KANK1: variants seen among roughly 807,000 people sequenced by gnomAD.
KANK1 encodes the protein KN motif and ankyrin repeat domain-containing protein 1.
Under a neutral mutation model 106.2 loss-of-function variants are expected in KANK1, and 109 were observed. That is an observed-to-expected ratio of 1.03 (90% confidence interval 0.88 to 1.20). The LOEUF (loss-of-function observed/expected upper bound fraction) is 1.20. Ranked by LOEUF, KANK1 falls within the 50% of genes most tolerant of loss-of-function variation. KANK1 has a pLI of 0.00. For missense variants in KANK1, 2,399 were observed against 1,710.7 expected, an observed-to-expected ratio of 1.40 and a Z score of -7.10; for synonymous variants, 873 against 652.2, an observed-to-expected ratio of 1.34 and a Z score of -5.16.
chr9:504,940 C>T (rs1176267800), intron 1 of KANK1, among the ~76,000 whole-genome samples, 186 bp downstream of exon 1: 3 of 150,596 alleles, frequency 2.0e-5, no homozygotes, highest in East Asian at 2.0e-4. Flanking sequence ...CGGGTGAACC[C>T]GGCGGCCTCG....
intron 1 of KANK1, among the ~76,000 whole-genome samples, chr9:618,255 C>T (rs990168936): frequency 2.6e-5 from 4 of 152,174 alleles, no homozygotes; most frequent in East Asian, 1.9e-4. Context: ...GTCACACAGG[C>T]TAAAGTGCAG....
chr9:731,115 A>G (rs748046026), intron 4 of KANK1, 43 bp from the exon 5 acceptor site: 3 of 1,041,564 alleles, frequency 2.9e-6, no homozygotes, highest in South Asian at 2.7e-5. Context: ...TTTAACATGT[A>G]TGGGTGTGAG....
At chr9:511,085 A>G (rs1043320517) in intron 1 of KANK1, among the ~76,000 whole-genome samples, 35 of 150,674 alleles carry the variant, frequency 2.3e-4, no homozygotes, top group Admixed American at 2.3e-3. Flanking sequence ...GAAATACTCA[A>G]TATCGATACA....
At chr9:504,779 C>CGCACCCCGTGCCGCGCT (rs1554723206) in intron 1 of KANK1, 25 bp downstream of exon 1, 2 of 140,820 alleles carry the variant, frequency 1.4e-5, no homozygotes, top group Non-Finnish European at 1.5e-5. Context: ...GGGGCCGTGC[C>CGCACCCCGTGCCGCGCT]GCGCCCCGTG....
chr9:680,717 C>G (rs1355512331), intron 2 of KANK1: 1 of 152,096 alleles, frequency 6.6e-6, no homozygotes, highest in Non-Finnish European at 1.5e-5. Flanking sequence ...ATACTAAGCA[C>G]GTGTTCATCG....
At chr9:508,412 C>T (rs1207892474) in intron 1 of KANK1, among the ~76,000 whole-genome samples, 1 of 152,212 alleles carries the variant, frequency 6.6e-6, no homozygotes, top group East Asian at 1.9e-4. Flanking sequence ...GCTGGCATTA[C>T]AGGCGTGAGC....
intron 7 of KANK1, 34 bp from the exon 8 acceptor site, chr9:738,251 T>C (rs1564123746): frequency 2.6e-6 from 4 of 1,561,838 alleles, no homozygotes; most frequent in Non-Finnish European, 3.5e-6. Flanking sequence ...AGTCTATAAA[T>C]AGAAGAACTA....
chr9:502,298 G>T (rs949632139), upstream of KANK1, among the ~76,000 whole-genome samples: 1 of 152,116 alleles, frequency 6.6e-6, no homozygotes, highest in African/African-American at 2.4e-5. Flanking sequence ...CAAAACCACT[G>T]AATTATACAT....
At chr9:688,494 T>C (rs149961893) in intron 2 of KANK1, among the ~76,000 whole-genome samples, 371 of 151,636 alleles carry the variant, frequency 2.4e-3, no homozygotes, top group African/African-American at 8.2e-3. Flanking sequence ...TAATCCCAAC[T>C]ACTTGGGAGG....
intron 2 of KANK1, among the ~76,000 whole-genome samples, chr9:471,238 C>A (rs972643129): frequency 3.9e-5 from 6 of 152,124 alleles, no homozygotes; most frequent in Non-Finnish European, 5.9e-5. Context: ...CCAAGGAAAG[C>A]GATAGTGCCA....
intron 1 of KANK1, among the ~76,000 whole-genome samples, chr9:633,909 C>A (rs1326033570): frequency 1.3e-5 from 2 of 152,176 alleles, no homozygotes; most frequent in Non-Finnish European, 2.9e-5. Context: ...CCTCAGCCTC[C>A]CACAGTGCTG....
chr9:691,236 A>T (rs1819830580), intron 2 of KANK1, among the ~76,000 whole-genome samples: 1 of 152,132 alleles, frequency 6.6e-6, no homozygotes, highest in Non-Finnish European at 1.5e-5. Context: ...TAGCAAAATG[A>T]TTGACTTTGA....
Position 713,042 on chromosome 9 carries a change from C to A in KANK1, c.2276C>A (p.Ser759Ter). 1.2e-6 allele frequency: 2 copies of A among 1,614,150 alleles called. No homozygotes were observed. The highest frequency in any genetic ancestry group is 1.7e-6 in the Non-Finnish European group (2 of 1,180,026). ...DRPSAVKTKE[S>*]GVGQININDN... ...CCATCAGCTGTGAAGACCAAAGAGT[C>A]AGGTGTGGGGCAGATAAATATTAAC... Residue 759 changes from serine (S) to a stop codon, truncating the protein, a stop_gained, in exon 3 of 12, where the codon TCA becomes TAA. Coordinates refer to ENST00000382297, the MANE Select transcript of KANK1 (RefSeq NM_015158.5). LOFTEE classifies it high-confidence loss of function.
chr9:547,240 C>CA (rs2060987308), intron 1 of KANK1: 1 of 152,180 alleles, frequency 6.6e-6, no homozygotes, highest in Non-Finnish European at 1.5e-5. Flanking sequence ...CCTCTAACGT[C>CA]AGGCTGGCAG....
chr9:672,015 G>C (rs1815271659), intron 1 of KANK1, among the ~76,000 whole-genome samples: 1 of 152,200 alleles, frequency 6.6e-6, no homozygotes, highest in South Asian at 2.1e-4. Flanking sequence ...TTTGCGCAAA[G>C]CCTCCTTGCA....
chr9:741,028 G>A (rs934585285), intron 9 of KANK1, 94 bp downstream of exon 9: 33 of 1,414,018 alleles, frequency 2.3e-5, no homozygotes, highest in East Asian at 1.4e-4. Flanking sequence ...TAGATGCCAC[G>A]CTTCCACCAC....
intron 1 of KANK1, among the ~76,000 whole-genome samples, chr9:603,030 G>T (rs1367639561): frequency 6.6e-6 from 1 of 151,804 alleles, no homozygotes; most frequent in Non-Finnish European, 1.5e-5. Context: ...TTCTACTTCA[G>T]AGCTCATTTG....
At chr9:735,441 A>G (rs190669476) in intron 7 of KANK1, among the ~76,000 whole-genome samples, 6 of 152,332 alleles carry the variant, frequency 3.9e-5, no homozygotes, top group East Asian at 1.9e-4. Flanking sequence ...TTCTATGGCA[A>G]TGGTTAATGT....
chr9:598,265 C>G (rs1826720803), intron 1 of KANK1, among the ~76,000 whole-genome samples: 1 of 151,636 alleles, frequency 6.6e-6, no homozygotes, highest in Admixed American at 6.6e-5. Flanking sequence ...ATTACTGTAG[C>G]TTTGTAGTAA....
Sources: gnomAD v4.1 joint callset for allele counts (sites outside exome capture counted in the v4.1 genomes callset) on GRCh38, gnomAD v4.1.1 for gene constraint, MANE v1.5 for transcripts, NCBI Gene and HGNC (gene_info 2026-07-23, HGNC 2026-07-21) for gene names.